PDE1C: variants seen among roughly 807,000 people sequenced by gnomAD.
PDE1C encodes phosphodiesterase 1C.
Under a neutral mutation model 93.1 loss-of-function variants are expected in PDE1C, and 62 were observed. The ratio of observed to expected loss-of-function variants is 0.67; its 90% CI spans 0.54 to 0.82. The LOEUF (loss-of-function observed/expected upper bound fraction) is 0.82. Ranked by LOEUF, PDE1C falls within the 40% of genes least tolerant of loss-of-function variation. The pLI, the probability that PDE1C is intolerant of heterozygous loss-of-function variation, is 0.00. For missense variants in PDE1C, 742 were observed against 884.6 expected, an observed-to-expected ratio of 0.84 and a Z score of 2.04; for synonymous variants, 325 against 310.1, an observed-to-expected ratio of 1.05 and a Z score of -0.50.
chr7:31,862,160 C>T (rs190248995), intron 7 of PDE1C, among the ~76,000 whole-genome samples: 260 of 152,338 alleles, frequency 1.7e-3, no homozygotes, highest in African/African-American at 5.9e-3. Context: ...AGAGAGAGTC[C>T]TTTCCTGACT....
intron 16 of PDE1C, among the ~76,000 whole-genome samples, chr7:31,798,029 A>G (rs1785523352): frequency 6.7e-6 from 1 of 148,932 alleles, no homozygotes; most frequent in Admixed American, 6.7e-5. Flanking sequence ...AAGATATTCT[A>G]CCTTAAGATC....
chr7:31,771,906 C>T (rs1367798531), intron 17 of PDE1C, among the ~76,000 whole-genome samples: 5 of 151,882 alleles, frequency 3.3e-5, no homozygotes, highest in Non-Finnish European at 7.4e-5. Context: ...ATTAGCTGGG[C>T]GTGGTGGTGG....
intron 2 of PDE1C, among the ~76,000 whole-genome samples, chr7:31,907,225 T>A (rs1423053453): frequency 6.6e-6 from 1 of 152,098 alleles, no homozygotes; most frequent in Non-Finnish European, 1.5e-5. Flanking sequence ...ACATATTACG[T>A]AAAAATTAAG....
chr7:32,158,202 C>G (rs1228105676), intron 3 of PDE1C, among the ~76,000 whole-genome samples: 1 of 152,116 alleles, frequency 6.6e-6, no homozygotes, highest in African/African-American at 2.4e-5. Flanking sequence ...TTGACATATT[C>G]CTATTTCTGA....
At chr7:31,818,864 T>C (rs2128728718) in intron 14 of PDE1C, among the ~76,000 whole-genome samples, 1 of 152,248 alleles carries the variant, frequency 6.6e-6, no homozygotes, top group South Asian at 2.1e-4. Flanking sequence ...AAACTGAAGG[T>C]ATTAAATGCT....
the PDE1C span, among the ~76,000 whole-genome samples, chr7:31,732,293 A>G: frequency 2.6e-5 from 4 of 152,082 alleles, no homozygotes; most frequent in Non-Finnish European, 5.9e-5. Flanking sequence ...CTGGACATCA[A>G]TGTCCAGTCA....
intron 2 of PDE1C, among the ~76,000 whole-genome samples, chr7:31,898,995 G>A (rs1354314879): frequency 6.6e-6 from 1 of 152,018 alleles, no homozygotes; most frequent in African/African-American, 2.4e-5. Context: ...TAATATAAAA[G>A]AGTAAAGAAG....
chr7:31,881,353 T>G (rs1797228258), intron 2 of PDE1C, among the ~76,000 whole-genome samples: 1 of 151,714 alleles, frequency 6.6e-6, no homozygotes, highest in Non-Finnish European at 1.5e-5. Flanking sequence ...AAGGAATAGA[T>G]GAAAGTAAAT....
intron 2 of PDE1C, among the ~76,000 whole-genome samples, chr7:32,184,885 G>A (rs112410050): frequency 0.12 from 17,886 of 152,160 alleles, 1,207 homozygotes; most frequent in Middle Eastern, 0.18. Context: ...GCTGAGGTGG[G>A]TGGATCACCT....
chr7:32,298,248 C>T (rs1447422906), intron 1 of PDE1C, among the ~76,000 whole-genome samples: 1 of 151,952 alleles, frequency 6.6e-6, no homozygotes, highest in African/African-American at 2.4e-5. Context: ...CTGTGTGTCT[C>T]TATCATGTCC....
chr7:31,837,064 C>T, intron 11 of PDE1C, 116 bp downstream of exon 11: 1 of 997,260 alleles, frequency 1.0e-6, no homozygotes, highest in Non-Finnish European at 1.4e-6. Flanking sequence ...TGGAGCCCCC[C>T]TCCCCTCTCC....
chr7:32,079,847 T>C (rs1202005850), intron 3 of PDE1C, among the ~76,000 whole-genome samples: 1 of 152,204 alleles, frequency 6.6e-6, no homozygotes, highest in African/African-American at 2.4e-5. Context: ...ATCACAGAGC[T>C]AGCCCTGATT....
chr7:31,931,609 A>T (rs953526814), intron 2 of PDE1C, among the ~76,000 whole-genome samples: 1 of 152,220 alleles, frequency 6.6e-6, no homozygotes, highest in Non-Finnish European at 1.5e-5. Flanking sequence ...AAATGGAAAA[A>T]CATTCCATGC....
chr7:31,636,252 T>C, the PDE1C span, among the ~76,000 whole-genome samples: 3 of 152,142 alleles, frequency 2.0e-5, no homozygotes, highest in Non-Finnish European at 4.4e-5. Flanking sequence ...GACACAGCTA[T>C]GCCATATCAA....
At chr7:32,286,153 C>T (rs563625071) in intron 1 of PDE1C, among the ~76,000 whole-genome samples, 1 of 152,190 alleles carries the variant, frequency 6.6e-6, no homozygotes, top group African/African-American at 2.4e-5. Context: ...ACTTAATACT[C>T]AGTTTCCCGC....
chr7:32,417,402 T>TGACTCTGTGCCCAGCACC (rs1785297321), intron 1 of PDE1C, among the ~76,000 whole-genome samples: 1 of 152,174 alleles, frequency 6.6e-6, no homozygotes, highest in Admixed American at 6.5e-5. Context: ...TGTTGAGCAC[T>TGACTCTGTGCCCAGCACC]GACTCTGTGC....
chr7:31,934,018 A>G (rs1012645018), intron 2 of PDE1C, among the ~76,000 whole-genome samples: 4 of 152,234 alleles, frequency 2.6e-5, no homozygotes, highest in Non-Finnish European at 5.9e-5. Context: ...AGGCATTTGA[A>G]CATGCGCTAT....
At chr7:32,257,006 C>T (rs1199690784) in intron 1 of PDE1C, among the ~76,000 whole-genome samples, 1 of 152,140 alleles carries the variant, frequency 6.6e-6, no homozygotes, top group Non-Finnish European at 1.5e-5. Flanking sequence ...CCATCCATTG[C>T]TCCCTGCATT....
At chr7:31,902,487 T>A (rs1800107974) in intron 2 of PDE1C, among the ~76,000 whole-genome samples, 1 of 151,956 alleles carries the variant, frequency 6.6e-6, no homozygotes, top group South Asian at 2.1e-4. Flanking sequence ...ATTAGTATGA[T>A]CTTCTTGGTA....
Sources: allele counts gnomAD v4.1 joint callset (sites outside exome capture counted in the v4.1 genomes callset), GRCh38; gene constraint gnomAD v4.1.1; transcripts MANE v1.5; gene names NCBI Gene and HGNC (gene_info 2026-07-23, HGNC 2026-07-21).